The following ROR1 variants were observed in gnomAD, a reference collection of about 807,000 sequenced individuals.
ROR1 encodes the protein inactive tyrosine-protein kinase transmembrane receptor ROR1.
Under a neutral mutation model 78.8 loss-of-function variants are expected in ROR1, and 19 were observed. The observed-to-expected ratio is 0.24, with a 90% confidence interval of 0.17 to 0.35. The LOEUF (loss-of-function observed/expected upper bound fraction) is 0.35, where lower values mean the gene tolerates loss of function less well. Among genes scored for constraint, ROR1 ranks in the 10% least tolerant of loss-of-function variants. The pLI is 1.00. For synonymous variants in ROR1, 386 were observed against 433.6 expected (o/e 0.89, Z 1.36); for missense variants, 917 against 1,177.8 (o/e 0.78, Z 3.24).
At chr1:64,010,603 G>A (rs1328376715) in intron 2 of ROR1, among the ~76,000 whole-genome samples, 1 of 152,090 alleles carries the variant, frequency 6.6e-6, no homozygotes, top group Non-Finnish European at 1.5e-5. Context: ...TGTCATAAAT[G>A]GTCTTTTATG....
In ROR1 at chr1:64,178,944, T is replaced by C. The variant is rs1425399704; in HGVS notation, c.*89T>C. The C allele has an allele frequency of 3.8e-6, 4 of 1,045,962 alleles. No homozygotes were observed. Among genetic ancestry groups the C allele is most frequent in the Non-Finnish European group, 5.5e-6 (4 of 729,576 alleles). 64.8% of individuals were successfully genotyped at this position (1,045,962 alleles called of 1,614,324 possible). A position where few individuals can be genotyped will look rare whatever the true frequency, so the allele number is the denominator to read the frequency against. Reference sequence around the variant, plus strand: ...TTCAAATGTTTTTATTAAAGTAAGGTTCTCATTTAGCAGACATCGCAACAA... The same window carrying C: ...TTCAAATGTTTTTATTAAAGTAAGGCTCTCATTTAGCAGACATCGCAACAA... On this transcript the variant is annotated 3_prime_UTR_variant, in exon 9 of 9. Coordinates refer to ENST00000371079, the MANE Select transcript of ROR1 (RefSeq NM_005012.4). The surrounding 1 kb of genome is among the most constrained non-coding windows in gnomAD (Gnocchi z 4.3).
At chr1:63,959,377 T>TA (rs1646009824) in intron 1 of ROR1, among the ~76,000 whole-genome samples, 2 of 152,166 alleles carry the variant, frequency 1.3e-5, no homozygotes. Context: ...GGTAGACAGC[T>TA]AGCAGTAACT....
At chr1:63,935,686 C>T (rs1170189206) in intron 1 of ROR1, among the ~76,000 whole-genome samples, 1 of 152,162 alleles carries the variant, frequency 6.6e-6, no homozygotes, top group Non-Finnish European at 1.5e-5. Flanking sequence ...AGTCCTGCTA[C>T]CCTGTCTTGT....
chr1:63,914,831 G>T (rs1339370763), intron 1 of ROR1, among the ~76,000 whole-genome samples: 1 of 152,090 alleles, frequency 6.6e-6, no homozygotes, highest in African/African-American at 2.4e-5. Context: ...GGCAGAATCA[G>T]TCTCTCTTCT....
chr1:63,817,070 A>G (rs1408234920), intron 1 of ROR1, among the ~76,000 whole-genome samples: 2 of 152,240 alleles, frequency 1.3e-5, no homozygotes, highest in Non-Finnish European at 2.9e-5. Context: ...TATATTTAAG[A>G]GGAAAGCTTT....
intron 1 of ROR1, among the ~76,000 whole-genome samples, chr1:63,880,532 C>T (rs1014059498): frequency 9.9e-5 from 15 of 152,070 alleles, no homozygotes; most frequent in East Asian, 7.7e-4. Flanking sequence ...TAAGTAGCCC[C>T]GATGGCTGAA....
At chr1:64,030,759 A>G (rs1397012535) in intron 2 of ROR1, among the ~76,000 whole-genome samples, 1 of 152,184 alleles carries the variant, frequency 6.6e-6, no homozygotes, top group African/African-American at 2.4e-5. Flanking sequence ...TATAAAACCT[A>G]ACTTCTCCCA....
At chr1:64,045,677 A>C (rs1032340230) in intron 2 of ROR1, among the ~76,000 whole-genome samples, 2 of 152,146 alleles carry the variant, frequency 1.3e-5, no homozygotes, top group East Asian at 3.8e-4. Context: ...CATGTGTAAA[A>C]TGTTCATAAC....
chr1:64,065,358 C>T (rs1039950625), intron 4 of ROR1, among the ~76,000 whole-genome samples: 3 of 152,180 alleles, frequency 2.0e-5, no homozygotes, highest in African/African-American at 7.2e-5. Flanking sequence ...TTGATGAACT[C>T]TTACCTGAAT....
At chr1:63,795,209 A>G (rs1233417197) in intron 1 of ROR1, among the ~76,000 whole-genome samples, 1 of 152,182 alleles carries the variant, frequency 6.6e-6, no homozygotes, top group Non-Finnish European at 1.5e-5. Context: ...AGCCCCGCTG[A>G]GAGGGCTCTT....
chr1:63,863,804 T>TTGTATTG (rs1273822103), intron 1 of ROR1, among the ~76,000 whole-genome samples: 10 of 120,984 alleles, frequency 8.3e-5, no homozygotes, highest in East Asian at 8.2e-4. Flanking sequence ...TTGTATTGTA[T>TTGTATTG]CATAGATGGC....
rs149924834 is a variant in ROR1 at position 63,983,664 on chromosome 1, C to T, written c.92-25641C>T. On this transcript the variant is annotated intron_variant, in intron 1 of 8. Transcript: ENST00000371079. ...ACTGGGTTGATTTAGGATGACATCA[C>T]ATCAGTTCACAGCATTAAAACTGCC... 5.5e-3 allele frequency among the ~76,000 whole-genome samples: 841 copies of T among 152,318 alleles called. 7 individuals are homozygous for T. The highest frequency in any genetic ancestry group is 0.02 in the African/African-American group (814 of 41,560).
intron 1 of ROR1, among the ~76,000 whole-genome samples, chr1:63,972,817 A>G (rs1487480937): frequency 6.6e-6 from 1 of 152,126 alleles, no homozygotes; most frequent in African/African-American, 2.4e-5. Context: ...GTGTTTTGAG[A>G]TTTTCCATTT....
chr1:63,971,794 T>C (rs1646121581), intron 1 of ROR1, among the ~76,000 whole-genome samples: 1 of 152,058 alleles, frequency 6.6e-6, no homozygotes, highest in Non-Finnish European at 1.5e-5. Context: ...ACCTGATGGG[T>C]ATGAGTAGGA....
intron 1 of ROR1, among the ~76,000 whole-genome samples, chr1:63,994,449 A>G (rs1646321301): frequency 6.6e-6 from 1 of 152,194 alleles, no homozygotes; most frequent in African/African-American, 2.4e-5. Flanking sequence ...AATGGTTAAT[A>G]CGGTCAAATT....
chr1:64,067,960 C>T (rs752219280), intron 4 of ROR1, among the ~76,000 whole-genome samples: 3 of 152,108 alleles, frequency 2.0e-5, no homozygotes, highest in Non-Finnish European at 2.9e-5. Flanking sequence ...GACCTGCCCA[C>T]CTTGGCCTCC....
chr1:64,158,946 G>A, intron 7 of ROR1, 35 bp from the exon 8 acceptor site: 1 of 1,487,754 alleles, frequency 6.7e-7, no homozygotes, highest in African/African-American at 1.4e-5. Context: ...ACTTTAAAGA[G>A]TATAACTTTT....
intron 2 of ROR1, among the ~76,000 whole-genome samples, chr1:64,012,092 C>G (rs930823446): frequency 1.3e-5 from 2 of 152,070 alleles, no homozygotes; most frequent in Non-Finnish European, 2.9e-5. Context: ...AAATGAAGAA[C>G]AAGTTCAATA....
chr1:64,158,681 A>G (rs142107078), intron 7 of ROR1, among the ~76,000 whole-genome samples: 1 of 152,332 alleles, frequency 6.6e-6, no homozygotes, highest in Non-Finnish European at 1.5e-5. Context: ...GGTGTTAGAG[A>G]AATGTAGGTC....
Sources: gnomAD v4.1 joint callset for allele counts (sites outside exome capture counted in the v4.1 genomes callset) on GRCh38, gnomAD v4.1.1 for gene constraint, Gnocchi (gnomAD v3.1) non-coding constraint, MANE v1.5 for transcripts, NCBI Gene and HGNC (gene_info 2026-07-23, HGNC 2026-07-21) for gene names.